PLD1: variants seen among roughly 807,000 people sequenced by gnomAD.
The protein encoded by PLD1 is phospholipase D1, also known as choline phosphatase 1.
A neutral mutation model predicts 137.1 loss-of-function variants in PLD1; 112 were observed. The ratio of observed to expected loss-of-function variants is 0.82; its 90% CI spans 0.70 to 0.96. The LOEUF (loss-of-function observed/expected upper bound fraction) is 0.96. Ranked by LOEUF, PLD1 falls within the 40% of genes least tolerant of loss-of-function variation. The probability of loss-of-function intolerance (pLI) is 0.00; values close to 1 mark genes in which losing one functional copy is unlikely to be tolerated. For synonymous variants in PLD1, 431 were observed against 454.7 expected, an observed-to-expected ratio of 0.95 and a Z score of 0.66; for missense variants, 1,321 against 1,342.0, an observed-to-expected ratio of 0.98 and a Z score of 0.24.
At chr3:171,738,277 AAC>A (rs1719524685) in intron 1 of PLD1, among the ~76,000 whole-genome samples, 195 bp from the exon 2 acceptor site, 2 of 152,100 alleles carry the variant, frequency 1.3e-5, no homozygotes, top group Non-Finnish European at 2.9e-5. Context: ...TGTAAATTAA[AAC>A]AGAGTGCTTA....
intron 24 of PLD1, among the ~76,000 whole-genome samples, chr3:171,619,470 C>T (rs1339138097): frequency 6.6e-6 from 1 of 152,108 alleles, no homozygotes; most frequent in African/African-American, 2.4e-5. Flanking sequence ...GACTGCAGAC[C>T]TTAGTGCAGG....
intron 23 of PLD1, among the ~76,000 whole-genome samples, chr3:171,621,315 T>C (rs569317428): frequency 6.6e-6 from 1 of 152,276 alleles, no homozygotes; most frequent in African/African-American, 2.4e-5. Context: ...AGGATTTTTA[T>C]GGTCTTTCTC....
At chr3:171,643,154 A>T (rs141643300) in intron 22 of PLD1, 71 of 343,414 alleles carry the variant, frequency 2.1e-4, no homozygotes, top group African/African-American at 1.5e-3. Context: ...GGCTATTAAA[A>T]AAAGAAGGGT....
chr3:171,706,648 T>C (rs969988236), intron 11 of PLD1, among the ~76,000 whole-genome samples: 1 of 152,166 alleles, frequency 6.6e-6, no homozygotes, highest in Non-Finnish European at 1.5e-5. Context: ...CAGAGACTGG[T>C]AGATAACCCC....
intron 9 of PLD1, among the ~76,000 whole-genome samples, chr3:171,712,551 G>A (rs1717346952): frequency 6.6e-6 from 1 of 152,132 alleles, no homozygotes; most frequent in African/African-American, 2.4e-5. Flanking sequence ...CATAGAACCT[G>A]CAAGGCGTAT....
chr3:171,669,179 C>T (rs758944599), intron 19 of PLD1, among the ~76,000 whole-genome samples: 1 of 152,186 alleles, frequency 6.6e-6, no homozygotes, highest in African/African-American at 2.4e-5. Flanking sequence ...GTGTCTCCCC[C>T]TCTGGAATTG....
intron 2 of PLD1, 37 bp downstream of exon 2, chr3:171,737,855 A>G: frequency 6.3e-7 from 1 of 1,584,988 alleles, no homozygotes; most frequent in Non-Finnish European, 8.6e-7. Flanking sequence ...AACCGAGATA[A>G]ACTCTTTTCT....
chr3:171,656,015 T>G (rs942332640), intron 21 of PLD1, among the ~76,000 whole-genome samples: 1 of 152,164 alleles, frequency 6.6e-6, no homozygotes, highest in Non-Finnish European at 1.5e-5. Flanking sequence ...AAGTGTAAGA[T>G]ACAATCTGCA....
At chr3:171,808,395 G>T (rs1723959108) in intron 1 of PLD1, among the ~76,000 whole-genome samples, 1 of 152,076 alleles carries the variant, frequency 6.6e-6, no homozygotes, top group Non-Finnish European at 1.5e-5. Flanking sequence ...AATCAACCGG[G>T]CGTGGCAGCA....
At chr3:171,685,613 T>C (rs766708266) in intron 16 of PLD1, among the ~76,000 whole-genome samples, 5 of 152,204 alleles carry the variant, frequency 3.3e-5, no homozygotes, top group Non-Finnish European at 7.3e-5. Flanking sequence ...AAAATAAATG[T>C]TAGCTTATGA....
intron 1 of PLD1, among the ~76,000 whole-genome samples, chr3:171,747,339 C>T (rs1248177890): frequency 6.6e-6 from 1 of 152,204 alleles, no homozygotes; most frequent in African/African-American, 2.4e-5. Context: ...CTGTGCTGAG[C>T]ACACTGATAC....
intron 1 of PLD1, among the ~76,000 whole-genome samples, chr3:171,744,381 C>T (rs1175085436): frequency 2.0e-5 from 3 of 152,204 alleles, no homozygotes; most frequent in East Asian, 1.9e-4. Flanking sequence ...CTGCCCATAA[C>T]CTGTGAGTCC....
chr3:171,798,641 T>C (rs1231050308), intron 1 of PLD1, among the ~76,000 whole-genome samples: 1 of 152,226 alleles, frequency 6.6e-6, no homozygotes, highest in Non-Finnish European at 1.5e-5. Flanking sequence ...TGTGAAGTGC[T>C]TATTATGTAT....
Position 171,685,245 on chromosome 3 carries a change from T to A in PLD1, c.1867+1440A>T, listed in dbSNP as rs189000994. Among the ~76,000 whole-genome samples the A allele has an allele frequency of 5.3e-4, 80 of 152,266 alleles. 1 individual carries two copies. The highest frequency in any genetic ancestry group is 5.1e-4 in the Non-Finnish European group (35 of 68,012). Reference sequence around the variant, plus strand: ...AAAGATTGGACACCCCTGCCCTAGATGAAAGAATGCTGGGAATCATTACTC... The same window carrying A: ...AAAGATTGGACACCCCTGCCCTAGAAGAAAGAATGCTGGGAATCATTACTC... On this transcript the variant is annotated intron_variant, in intron 16 of 26. Transcript: ENST00000351298.
At chr3:171,683,606 T>A (rs1714234480) in intron 16 of PLD1, among the ~76,000 whole-genome samples, 1 of 152,212 alleles carries the variant, frequency 6.6e-6, no homozygotes, top group Admixed American at 6.5e-5. Context: ...GAGAGATGTA[T>A]TCTCCGATGA....
rs911607180 is a variant in PLD1 at position 171,605,378 on chromosome 3, A to G, written c.2921T>C (p.Ile974Thr). ...GAATTTGTCACTCACTGGATCCTGA[A>G]TGTCCTCACTTGGGTCATCAAGATA... is the stretch of plus-strand genomic sequence containing the variant. ...LGYLDDPSED[I>T]QDPVSDKFFK... Residue 974 changes from isoleucine to threonine, a missense_variant, in exon 26 of 27, where the codon ATT becomes ACT. Coordinates refer to ENST00000351298, the MANE Select transcript of PLD1 (RefSeq NM_002662.5). The G allele has an allele frequency of 6.2e-7, 1 of 1,613,742 alleles. No individual in the cohort carries two copies. Among genetic ancestry groups the G allele is most frequent in the African/African-American group, 1.3e-5 (1 of 74,914 alleles).
chr3:171,664,568 C>T (rs1711886233), intron 19 of PLD1, among the ~76,000 whole-genome samples: 1 of 152,018 alleles, frequency 6.6e-6, no homozygotes, highest in African/African-American at 2.4e-5. Flanking sequence ...AGTGATTCTC[C>T]TGCCTCAGCG....
At chr3:171,694,416 C>T (rs975455176) in intron 12 of PLD1, among the ~76,000 whole-genome samples, 7 of 152,084 alleles carry the variant, frequency 4.6e-5, no homozygotes, top group African/African-American at 1.2e-4. Flanking sequence ...TTTTAATGGT[C>T]TGGCCAGAGA....
At chr3:171,765,870 T>C (rs1446081640) in intron 1 of PLD1, among the ~76,000 whole-genome samples, 1 of 152,226 alleles carries the variant, frequency 6.6e-6, no homozygotes, top group African/African-American at 2.4e-5. Flanking sequence ...GAATCTTTCC[T>C]GGACTGATGT....
Sources: allele counts gnomAD v4.1 joint callset (sites outside exome capture counted in the v4.1 genomes callset), GRCh38; gene constraint gnomAD v4.1.1; transcripts MANE v1.5; gene names NCBI Gene and HGNC (gene_info 2026-07-23, HGNC 2026-07-21).